Variants in DMRT1 observed in about 807,000 individuals in gnomAD.
The protein encoded by DMRT1 is doublesex- and mab-3-related transcription factor 1.
Under a neutral mutation model 32.3 loss-of-function variants are expected in DMRT1, and 7 were observed. That is an observed-to-expected ratio of 0.22 (90% CI 0.12 to 0.41). The LOEUF (loss-of-function observed/expected upper bound fraction) is 0.41. DMRT1 is among the 10% of genes least tolerant of loss of function. The probability of loss-of-function intolerance (pLI) is 1.00; values close to 1 mark genes in which losing one functional copy is unlikely to be tolerated. For missense variants in DMRT1, 625 were observed against 500.5 expected, an observed-to-expected ratio of 1.25 and a Z score of -2.37; for synonymous variants, 278 against 206.1, an observed-to-expected ratio of 1.35 and a Z score of -2.99.
At chr9:870,885 T>G (rs370829306) in intron 2 of DMRT1, among the ~76,000 whole-genome samples, 5 of 151,916 alleles carry the variant, frequency 3.3e-5, no homozygotes, top group South Asian at 4.2e-4. Flanking sequence ...CTAATTTTTT[T>G]TGTGTGTATG....
At chr9:868,014 A>G (rs565391124) in intron 2 of DMRT1, among the ~76,000 whole-genome samples, 10 of 152,316 alleles carry the variant, frequency 6.6e-5, no homozygotes, top group African/African-American at 2.2e-4. Context: ...CAGGGTCTCT[A>G]TCGCCCAGGC....
chr9:853,900 A>G (rs926402140), intron 2 of DMRT1, among the ~76,000 whole-genome samples: 1 of 151,938 alleles, frequency 6.6e-6, no homozygotes, highest in African/African-American at 2.4e-5. Context: ...GGCTCAAACA[A>G]TTCTCCCACC....
At chr9:903,355 A>G (rs1817659721) in intron 3 of DMRT1, among the ~76,000 whole-genome samples, 1 of 151,348 alleles carries the variant, frequency 6.6e-6, no homozygotes, top group African/African-American at 2.4e-5. Context: ...ACCTACCAGC[A>G]CTTTCACCAA....
intron 3 of DMRT1, among the ~76,000 whole-genome samples, chr9:907,674 C>T (rs1424753452): frequency 6.6e-6 from 1 of 152,140 alleles, no homozygotes; most frequent in Non-Finnish European, 1.5e-5. Context: ...TATATATTTA[C>T]ACACACATAC....
intron 3 of DMRT1, among the ~76,000 whole-genome samples, chr9:898,470 C>T (rs1037953023): frequency 1.3e-4 from 20 of 152,170 alleles, no homozygotes; most frequent in Non-Finnish European, 2.1e-4. Context: ...CAGTCTTTTC[C>T]TCACTTCGCT....
intron 2 of DMRT1, among the ~76,000 whole-genome samples, chr9:855,802 G>C (rs12685291): frequency 0.42 from 64,412 of 152,012 alleles, 13,830 homozygotes; most frequent in East Asian, 0.59. Context: ...TATTTTTATA[G>C]AGATGGGGAT....
rs279895 is a variant in DMRT1, at chr9:967,981, G to C, written c.968-4G>C. On this transcript the variant is annotated splice_region_variant and splice_polypyrimidine_tract_variant and intron_variant, in intron 4 of 4. Coordinates refer to ENST00000382276, the MANE Select transcript of DMRT1 (RefSeq NM_021951.3). Reference sequence around the variant, plus strand: ...CTCTCTTTCTCTCTCACCTCACTTCGCAGTATTCTCGCCGCCCAGCAGTCA... The same window carrying C: ...CTCTCTTTCTCTCTCACCTCACTTCCCAGTATTCTCGCCGCCCAGCAGTCA... 1,371,318 of 1,613,182 alleles carry C rather than the reference G, an allele frequency of 0.85. 585,079 individuals carry two copies. The highest frequency in any genetic ancestry group is 1 in the East Asian group (44,840 of 44,872).
chr9:861,611 G>T (rs1815678940), intron 2 of DMRT1, among the ~76,000 whole-genome samples: 2 of 149,514 alleles, frequency 1.3e-5, no homozygotes, highest in South Asian at 4.2e-4. Context: ...CCGGGCAGAG[G>T]GGCTCCTCAC....
In DMRT1 at chr9:967,850, T is replaced by G. The variant is rs1819980436; in HGVS notation, c.968-135T>G. 4 of 869,836 alleles carry G rather than the reference T, an allele frequency of 4.6e-6. No individual in the cohort carries two copies. The Admixed American group carries it at 8.0e-5, about 17-fold the overall frequency. The allele number at this position is 869,836 out of a possible 1,614,324, so 53.9% of individuals were successfully genotyped here. A position where few individuals can be genotyped will look rare whatever the true frequency, so the allele number is the denominator to read the frequency against. ...TTAATGAGTGTCTATAAAAACACTTTCAACTCAGAATAGAAATGGAGAGCG... is the reference window on the plus strand; with the variant it reads ...TTAATGAGTGTCTATAAAAACACTTGCAACTCAGAATAGAAATGGAGAGCG... On this transcript the variant is annotated intron_variant, in intron 4 of 4. Coordinates refer to ENST00000382276, the MANE Select transcript of DMRT1 (RefSeq NM_021951.3).
chr9:848,367 G>T (rs1306161503), intron 2 of DMRT1, among the ~76,000 whole-genome samples: 1 of 152,080 alleles, frequency 6.6e-6, no homozygotes, highest in Non-Finnish European at 1.5e-5. Context: ...AAGCAGAAAA[G>T]AAGTTAAAAA....
At chr9:885,084 C>A (rs868467067) in intron 2 of DMRT1, among the ~76,000 whole-genome samples, 8 of 152,202 alleles carry the variant, frequency 5.3e-5, no homozygotes, top group Admixed American at 4.6e-4. Context: ...GGAGGCATGG[C>A]TTGCTTCTTC....
intron 1 of DMRT1, among the ~76,000 whole-genome samples, chr9:843,849 C>G (rs1838793696): frequency 6.6e-6 from 1 of 152,128 alleles, no homozygotes; most frequent in Non-Finnish European, 1.5e-5. Context: ...CGTATTTTGG[C>G]TTCACAGATG....
rs1554739423 is a variant in DMRT1 at position 842,230 on chromosome 9, G to GGTTTTTTTTTTTTTTTTT, written c.354+38_354+39insGTTTTTTTTTTTTTTTTT. The GGTTTTTTTTTTTTTTTTT allele has an allele frequency of 1.3e-5, 16 of 1,267,122 alleles. No homozygotes were observed. The African/African-American group carries it at 2.4e-4, about 19-fold the overall frequency. The allele number at this position is 1,267,122 out of a possible 1,614,324, so 78.5% of individuals were successfully genotyped here. ...GTGCGGGAGCCCGGGTTCAGCCTTA[G>GGTTTTTTTTTTTTTTTTT]TTTTTTTTTTTTTTTTTTTTTTTAG... On this transcript the variant is annotated intron_variant, in intron 1 of 4. Transcript: ENST00000382276.
chr9:884,597 G>A lies in DMRT1; in HGVS notation c.539-9315G>A, dbSNP rs547970666. Among the ~76,000 whole-genome samples, 5 of 152,280 alleles carry A rather than the reference G, an allele frequency of 3.3e-5. No individual in the cohort carries two copies. The South Asian group carries it at 1.0e-3, about 32-fold the overall frequency. On this transcript the variant is annotated intron_variant, in intron 2 of 4. Coordinates refer to ENST00000382276, the MANE Select transcript of DMRT1 (RefSeq NM_021951.3). ...GATGTGTATTTCTTGAGTTCCTGAT[G>A]CTTTTCTGAGTGGTTGGATCCAGTC... is the stretch of plus-strand genomic sequence containing the variant.
chr9:926,167 G>C (rs1198538316), intron 4 of DMRT1, among the ~76,000 whole-genome samples: 1 of 54,760 alleles, frequency 1.8e-5, no homozygotes, highest in Non-Finnish European at 4.0e-5. Context: ...GGCATATCAG[G>C]TGTGGTGTTC....
intron 4 of DMRT1, among the ~76,000 whole-genome samples, chr9:928,652 G>A (rs1295469649): frequency 6.6e-6 from 1 of 152,110 alleles, no homozygotes; most frequent in Non-Finnish European, 1.5e-5. Flanking sequence ...AATCAGCCCA[G>A]TAGTTTTTTA....
intron 2 of DMRT1, among the ~76,000 whole-genome samples, chr9:866,016 T>C (rs894631283): frequency 2.0e-5 from 3 of 151,596 alleles, no homozygotes; most frequent in African/African-American, 7.3e-5. Flanking sequence ...ATACAAAAAT[T>C]AGCTGGATGT....
intron 4 of DMRT1, among the ~76,000 whole-genome samples, chr9:931,495 T>C (rs1476912232): frequency 1.3e-5 from 2 of 152,202 alleles, no homozygotes; most frequent in Admixed American, 1.3e-4. Context: ...TGGGCTGCTG[T>C]AACAAAAAGG....
At chr9:943,206 G>A (rs1335378752) in intron 4 of DMRT1, among the ~76,000 whole-genome samples, 1 of 152,236 alleles carries the variant, frequency 6.6e-6, no homozygotes, top group Admixed American at 6.5e-5. Flanking sequence ...GCTTTCTGCA[G>A]AGTTCCTAGA....
Sources: allele counts gnomAD v4.1 joint callset (sites outside exome capture counted in the v4.1 genomes callset), GRCh38; gene constraint gnomAD v4.1.1; transcripts MANE v1.5; gene names NCBI Gene and HGNC (gene_info 2026-07-23, HGNC 2026-07-21).